CCT3: variants seen among roughly 807,000 people sequenced by gnomAD.
The protein encoded by CCT3 is chaperonin containing TCP1 subunit 3.
In CCT3, 10 loss-of-function variants were observed where a neutral mutation model predicts 65.3. The ratio of observed to expected loss-of-function variants is 0.15; its 90% confidence interval spans 0.09 to 0.26. The LOEUF is 0.26. Ranked by LOEUF, CCT3 falls within the 10% of genes least tolerant of loss-of-function variation. CCT3 has a pLI of 1.00. For missense variants in CCT3, 626 were observed against 708.7 expected (o/e 0.88, Z 1.33); for synonymous variants, 225 against 242.3 (o/e 0.93, Z 0.66).
Position 156,325,036 on chromosome 1 carries a change from T to C in CCT3, c.358A>G (p.Thr120Ala). ...TTGCGGTAAGCACTGATCACCACTG[T>C]TGGGTGCATCTGCTGCTCCAGGAAG... ...EHFLEQQMHP[T>A]VVISAYRKAL... Residue 120 changes from threonine (T) to alanine (A), a missense_variant, in exon 6 of 14, where the codon ACA becomes GCA. Thr to Ala is a moderately conservative substitution (Grantham distance 58). Coordinates refer to ENST00000295688, the MANE Select transcript of CCT3 (RefSeq NM_005998.5). 2 of 1,613,860 alleles carry C rather than the reference T, an allele frequency of 1.2e-6. No individual in the cohort carries two copies. Among genetic ancestry groups the C allele is most frequent in the Non-Finnish European group, 8.5e-7 (1 of 1,179,976 alleles).
At chr1:156,333,757 G>A in intron 4 of CCT3, 114 bp from the exon 5 acceptor site, 4 of 702,190 alleles carry the variant, frequency 5.7e-6, no homozygotes, top group South Asian at 5.5e-5. Context: ...TCCCTTTAAT[G>A]TTTTACCATA....
rs1399266870 is a variant in CCT3, at chr1:156,320,828, T to A, written c.609+11A>T. ...ATAATTTGACCCAATGTATACACTT[T>A]GAAAGTTTACCTTTTCCACTCTTGC... On this transcript the variant is annotated intron_variant, in intron 7 of 13. Coordinates refer to ENST00000295688, the MANE Select transcript of CCT3 (RefSeq NM_005998.5). 6.3e-7 allele frequency: 1 copy of A among 1,584,780 alleles called. No homozygotes were observed. Among genetic ancestry groups the A allele is most frequent in the Non-Finnish European group, 8.7e-7 (1 of 1,154,076 alleles).
rs1254042982 is a variant in CCT3 at position 156,329,664 on chromosome 1, C to T, written c.304+3883G>A. 2.7e-5 allele frequency among the ~76,000 whole-genome samples: 4 copies of T among 150,864 alleles called. No homozygotes were observed. The East Asian group carries it at 6.1e-4, about 23-fold the overall frequency. ...TTTAAAAGATGGCTGAGTGGCTGGG[C>T]ATGGTGGCTCACGTCTGTAATCCCA... On this transcript the variant is annotated intron_variant, in intron 5 of 13. Transcript: ENST00000295688.
intron 5 of CCT3, among the ~76,000 whole-genome samples, chr1:156,328,254 G>A (rs1421266536): frequency 5.7e-5 from 8 of 141,220 alleles, no homozygotes; most frequent in African/African-American, 1.0e-4. Context: ...CCCCCGGCCC[G>A]GCCAGCCGCC....
Position 156,320,866 on chromosome 1 carries a change from G to A in CCT3, c.582C>T (p.Asp194=), listed in dbSNP as rs1558267768. ...TTTCCACTCTTGCATATTTTTTTAT[G>A]TCAATCTCTTTCCGACCATTCTCCT... ...QFEENGRKEI[D]IKKYARVEKI... The change falls in exon 7 of 14, where the codon GAC becomes GAT. Residue 194 remains aspartate (D), a synonymous_variant. Coordinates refer to ENST00000295688, the MANE Select transcript of CCT3 (RefSeq NM_005998.5). 1.2e-6 allele frequency: 2 copies of A among 1,610,058 alleles called. No individual in the cohort carries two copies. Among genetic ancestry groups the A allele is most frequent in the Non-Finnish European group, 8.5e-7 (1 of 1,177,716 alleles).
intron 1 of CCT3, chr1:156,337,800 A>AAG (rs1553304413): frequency 3.0e-6 from 1 of 336,620 alleles, no homozygotes; most frequent in Non-Finnish European, 5.4e-6. Flanking sequence ...CTGAAAAAAA[A>AAG]ACAAAAAAAA....
chr1:156,322,628 C>T (rs1344018919), intron 6 of CCT3, among the ~76,000 whole-genome samples: 3 of 149,774 alleles, frequency 2.0e-5, no homozygotes, highest in Admixed American at 6.6e-5. Flanking sequence ...GAGGCCGAGG[C>T]AGGCGGATCA....
intron 7 of CCT3, 35 bp downstream of exon 7, chr1:156,320,804 T>C: frequency 7.2e-7 from 1 of 1,390,616 alleles, no homozygotes; most frequent in Non-Finnish European, 1.0e-6. Context: ...TGCTAACATA[T>C]AATTTGACCC....
At chr1:156,334,830 A>C in intron 3 of CCT3, 38 bp downstream of exon 3, 1 of 1,613,936 alleles carries the variant, frequency 6.2e-7, no homozygotes, top group African/African-American at 1.3e-5. Context: ...GGAAGAAAAA[A>C]ATTGTAGCCT....
Position 156,320,727 on chromosome 1 carries a change from T to G in CCT3, c.609+112A>C, listed in dbSNP as rs1188942583. 9 of 819,286 alleles carry G rather than the reference T, an allele frequency of 1.1e-5. 1 individual carries two copies. The South Asian group carries it at 1.5e-4, about 14-fold the overall frequency. 50.8% of individuals were successfully genotyped at this position (819,286 alleles called of 1,614,324 possible). A position where few individuals can be genotyped will look rare whatever the true frequency, so the allele number is the denominator to read the frequency against. On this transcript the variant is annotated intron_variant, in intron 7 of 13. Coordinates refer to ENST00000295688, the MANE Select transcript of CCT3 (RefSeq NM_005998.5). ...CAGCCTAGGCAACAAGGTGAGACTC[T>G]GTCTCAAAAACAAAACAAAACAACG...
Position 156,317,488 on chromosome 1 carries a change from C to G in CCT3, c.819G>C (p.Glu273Asp), listed in dbSNP as rs1400052103. Residue 273 changes from glutamate to aspartate, a missense_variant, in exon 9 of 14, where the codon GAG (glutamate) becomes GAC (aspartate). Glu to Asp is a conservative substitution (Grantham distance 45). Transcript: ENST00000295688. ...DFTRILQMEEEYIQQLCEDII... is the reference protein window; with the variant it reads ...DFTRILQMEEDYIQQLCEDII... The stretch of plus-strand genomic sequence containing the variant: ...TGTCCTCACAGAGCTGCTGGATGTA[C>G]TCTTCCTCCATCTGGAGAATTCGGG... The G allele has an allele frequency of 6.2e-7, 1 of 1,613,900 alleles. No individual in the cohort carries two copies.
chr1:156,337,802 C>CAA (rs11376291), intron 1 of CCT3: 684 of 272,652 alleles, frequency 2.5e-3, no homozygotes, highest in South Asian at 5.4e-3. Flanking sequence ...GAAAAAAAAA[C>CAA]AAAAAAAAAC....
At chr1:156,335,556 T>C (rs1665301063) in intron 2 of CCT3, 1 of 403,750 alleles carries the variant, frequency 2.5e-6, no homozygotes, top group Non-Finnish European at 4.4e-6. Context: ...CAGTTTAGTA[T>C]GGGAGACAAA....
chr1:156,313,782 C>A (rs894457039), intron 10 of CCT3, among the ~76,000 whole-genome samples: 5 of 152,146 alleles, frequency 3.3e-5, no homozygotes, highest in Admixed American at 6.6e-5. Context: ...GCTTATTACA[C>A]ATGGTACTTC....
At chr1:156,325,248 G>A (rs1369132562) in intron 5 of CCT3, among the ~76,000 whole-genome samples, 159 bp from the exon 6 acceptor site, 2 of 152,186 alleles carry the variant, frequency 1.3e-5, no homozygotes, top group Non-Finnish European at 2.9e-5. Context: ...CATTGTATAA[G>A]ACGGCAATTT....
chr1:156,337,750 GCTA>G (rs925852655), intron 1 of CCT3: 54 of 218,058 alleles, frequency 2.5e-4, no homozygotes, highest in African/African-American at 1.2e-3. Context: ...TTAAATTACC[GCTA>G]CTAAGGGATG....
At chr1:156,315,544 CTTTAT>C (rs1396280351) in intron 10 of CCT3, among the ~76,000 whole-genome samples, 2 of 152,124 alleles carry the variant, frequency 1.3e-5, no homozygotes, top group Non-Finnish European at 2.9e-5. Flanking sequence ...CTCTAGCTTA[CTTTAT>C]TTAAGGGAAT....
chr1:156,325,093 A>T lies in CCT3; in HGVS notation c.305-4T>A, dbSNP rs891872484. On this transcript the variant is annotated splice_region_variant and splice_polypyrimidine_tract_variant and intron_variant, in intron 5 of 13. Transcript: ENST00000295688. ...GCTACAGACAGCATTTCCCCTGCTG[A>T]AAAAGATACAAGCACCATAGTAATA... The T allele has an allele frequency of 6.3e-7, 1 of 1,584,006 alleles. No homozygotes were observed. The highest frequency in any genetic ancestry group is 8.7e-7 in the Non-Finnish European group (1 of 1,155,696).
rs776159994 is a variant in CCT3, at chr1:156,317,410, C to T, written c.892+5G>A. ...GGTAGGCTGGAAAAAGTAACAAAGT[C>T]CCACCTGAGATGCCCTTTTCAGTGA... On this transcript the variant is annotated splice_donor_5th_base_variant and intron_variant, in intron 9 of 13. Transcript: ENST00000295688. 11 of 1,606,066 alleles carry T rather than the reference C, an allele frequency of 6.8e-6. No individual in the cohort carries two copies. Among genetic ancestry groups the T allele is most frequent in the African/African-American group, 1.3e-5 (1 of 74,746 alleles).
Sources: gnomAD v4.1 joint callset for allele counts (sites outside exome capture counted in the v4.1 genomes callset) on GRCh38, gnomAD v4.1.1 for gene constraint, MANE v1.5 for transcripts, NCBI Gene and HGNC (gene_info 2026-07-23, HGNC 2026-07-21) for gene names.